PPP1R3A: variants seen among roughly 807,000 people sequenced by gnomAD.
PPP1R3A encodes the protein RG1.
In PPP1R3A, 29 loss-of-function variants were observed where a neutral mutation model predicts 41.7. The observed-to-expected ratio is 0.70, with a 90% CI of 0.52 to 0.95. The LOEUF (loss-of-function observed/expected upper bound fraction) is 0.95, where lower values mean the gene tolerates loss of function less well. PPP1R3A is among the 40% of genes least tolerant of loss of function. The pLI, the probability that PPP1R3A is intolerant of heterozygous loss-of-function variation, is 0.00. For missense variants in PPP1R3A, 1,352 were observed against 1,292.4 expected (o/e 1.05, Z -0.71); for synonymous variants, 485 against 453.4 (o/e 1.07, Z -0.89).
In PPP1R3A at chr7:113,879,849, T is replaced by C. The variant is rs1796657158; in HGVS notation, c.1243A>G (p.Ile415Val). The C allele has an allele frequency of 1.2e-6, 2 of 1,613,438 alleles. No individual in the cohort carries two copies. Among genetic ancestry groups the C allele is most frequent in the Non-Finnish European group, 1.7e-6 (2 of 1,179,690 alleles). ...CTAGTATCTCCCAATGATGGCTTGA[T>C]TTCTCCCATATTTGAAGTAGTTTCC... ...SEETTSNMGEIKPSLGDTSSD... is the reference protein window; with the variant it reads ...SEETTSNMGEVKPSLGDTSSD... Residue 415 changes from isoleucine to valine, a missense_variant, in exon 4 of 4, where the codon ATC becomes GTC. Ile to Val is a conservative substitution (Grantham distance 29). Coordinates refer to ENST00000284601, the MANE Select transcript of PPP1R3A (RefSeq NM_002711.4).
intron 1 of PPP1R3A, among the ~76,000 whole-genome samples, chr7:113,883,666 G>A (rs538963239): frequency 1.3e-5 from 2 of 152,006 alleles, no homozygotes; most frequent in South Asian, 4.1e-4. Flanking sequence ...ACTGCAGGCT[G>A]ACACACCTTC....
Position 113,918,370 on chromosome 7 carries a change from T to G in PPP1R3A, c.627A>C (p.Ile209=), listed in dbSNP as rs769501039. ...QKDGSKVEFC[I]RYETSVGTFW... ...ATGTACCAACAGAAGTTTCATAACG[T>G]ATACAAAACTCAACTTTACTGCCAT... is the stretch of plus-strand genomic sequence containing the variant. Residue 209 remains isoleucine, a synonymous_variant, in exon 1 of 4, where the codon ATA becomes ATC. Transcript: ENST00000284601. 1 of 1,613,454 alleles carries G rather than the reference T, an allele frequency of 6.2e-7. No individual in the cohort carries two copies. Among genetic ancestry groups the G allele is most frequent in the Non-Finnish European group, 8.5e-7 (1 of 1,179,628 alleles).
chr7:113,917,636 A>G (rs900475196), intron 1 of PPP1R3A, among the ~76,000 whole-genome samples: 3 of 152,082 alleles, frequency 2.0e-5, no homozygotes, highest in African/African-American at 7.2e-5. Flanking sequence ...TAACTCATAT[A>G]TCACTGATAT....
At chr7:113,888,098 CTGTT>C (rs1256560231) in intron 1 of PPP1R3A, among the ~76,000 whole-genome samples, 1 of 151,726 alleles carries the variant, frequency 6.6e-6, no homozygotes, top group Non-Finnish European at 1.5e-5. Context: ...GGGCTGGACT[CTGTT>C]TGGGGAAAGA....
In PPP1R3A at chr7:113,878,853, T is replaced by C; in HGVS notation, c.2239A>G (p.Arg747Gly). Reference protein sequence around the residue: ...SESTPESMSAREKAIIAKLPQ... With the variant: ...SESTPESMSAGEKAIIAKLPQ... ...AGCTTAGCAATTATTGCTTTTTCTC[T>C]AGCAGACATGCTTTCTGGAGTACTT... Residue 747 changes from arginine to glycine, a missense_variant, in exon 4 of 4, where the codon AGA (arginine) becomes GGA (glycine). Transcript: ENST00000284601. 6.2e-7 allele frequency: 1 copy of C among 1,613,208 alleles called. No individual in the cohort carries two copies. The highest frequency in any genetic ancestry group is 8.5e-7 in the Non-Finnish European group (1 of 1,179,762).
At chr7:113,914,871 T>C (rs1797313503) in intron 1 of PPP1R3A, among the ~76,000 whole-genome samples, 1 of 152,130 alleles carries the variant, frequency 6.6e-6, no homozygotes, top group South Asian at 2.1e-4. Context: ...TCTTTAACTT[T>C]GAAGCCTAAA....
intron 3 of PPP1R3A, among the ~76,000 whole-genome samples, chr7:113,881,431 C>CA (rs1265557620): frequency 6.6e-6 from 1 of 151,930 alleles, no homozygotes; most frequent in Non-Finnish European, 1.5e-5. Flanking sequence ...ACCATCCCCC[C>CA]AAAAAATTCC....
chr7:113,877,827 C>A lies in PPP1R3A; in HGVS notation c.3265G>T (p.Val1089Phe). ...CCAATCATTAAGTCATAATGGTAGA[C>A]AGTTATAAGAAATATCAGAAACAAA... The part of the protein sequence containing the change: ...FLLFLIFLIT[V>F]YHYDLMIGLT... Residue 1089 changes from valine to phenylalanine, a missense_variant, in exon 4 of 4, where the codon GTC (valine) becomes TTC (phenylalanine). Transcript: ENST00000284601. 6.2e-7 allele frequency: 1 copy of A among 1,608,774 alleles called. No homozygotes were observed. The highest frequency in any genetic ancestry group is 8.5e-7 in the Non-Finnish European group (1 of 1,175,870).
rs568337517 is a variant in PPP1R3A at position 113,888,985 on chromosome 7, T to G, written c.783-6665A>C. Among the ~76,000 whole-genome samples the G allele has an allele frequency of 2.0e-5, 3 of 152,330 alleles. No homozygotes were observed. The East Asian group carries it at 5.8e-4, about 29-fold the overall frequency. ...CAGTAGATCTCAAATATAACAATAG[T>G]TCCCAGAATTGCCTTTCATGTCAAA... On this transcript the variant is annotated intron_variant, in intron 1 of 3. Coordinates refer to ENST00000284601, the MANE Select transcript of PPP1R3A (RefSeq NM_002711.4).
chr7:113,878,205 T>C lies in PPP1R3A; in HGVS notation c.2887A>G (p.Ile963Val). Residue 963 changes from isoleucine to valine, a missense_variant, in exon 4 of 4, where the codon ATT becomes GTT. Ile to Val is a conservative substitution (Grantham distance 29). Transcript: ENST00000284601. The part of the protein sequence containing the change: ...ICNSTREIQG[I>V]EKHPYPESKP... ...GACTCAGGATAAGGGTGCTTCTCAA[T>C]ACCCTGGATTTCTCTTGTTGAATTA... The C allele has an allele frequency of 1.2e-6, 2 of 1,613,300 alleles. No individual in the cohort carries two copies. The highest frequency in any genetic ancestry group is 1.7e-6 in the Non-Finnish European group (2 of 1,179,588).
In PPP1R3A at chr7:113,879,722, G is replaced by T. The variant is rs2129113237; in HGVS notation, c.1370C>A (p.Ser457Tyr). The change falls in exon 4 of 4, where the codon TCT (serine) becomes TAT (tyrosine). Residue 457 changes from serine to tyrosine, a missense_variant. Ser to Tyr is a moderately radical substitution (Grantham distance 144, BLOSUM62 -2). Coordinates refer to ENST00000284601, the MANE Select transcript of PPP1R3A (RefSeq NM_002711.4). ...GTTTCCTGCCATTAGTTGATCTGAA[G>T]AGGGGCAAGGTATTTGCACTGTGCC... The part of the protein sequence containing the change: ...GNGTVQIPCP[S>Y]SDQLMAGNLN... The T allele has an allele frequency of 6.2e-7, 1 of 1,613,166 alleles. No individual in the cohort carries two copies.
chr7:113,888,393 T>A (rs904169843), intron 1 of PPP1R3A, among the ~76,000 whole-genome samples: 1 of 152,076 alleles, frequency 6.6e-6, no homozygotes, highest in Non-Finnish European at 1.5e-5. Context: ...GTACTATTAA[T>A]GAAGAAAGAG....
chr7:113,891,053 C>T (rs1379944453), intron 1 of PPP1R3A, among the ~76,000 whole-genome samples: 2 of 106,238 alleles, frequency 1.9e-5, no homozygotes, highest in Non-Finnish European at 3.6e-5. Flanking sequence ...GTGTTCTTTC[C>T]ATAAAGGGTC....
chr7:113,896,989 A>AT (rs1796986831), intron 1 of PPP1R3A, among the ~76,000 whole-genome samples: 1 of 151,908 alleles, frequency 6.6e-6, no homozygotes, highest in South Asian at 2.1e-4. Flanking sequence ...GTATTCAAGT[A>AT]TTTTTTGAAG....
intron 1 of PPP1R3A, among the ~76,000 whole-genome samples, chr7:113,916,072 A>G (rs1230828252): frequency 6.6e-6 from 1 of 152,040 alleles, no homozygotes; most frequent in Non-Finnish European, 1.5e-5. Context: ...CAGATGTAAA[A>G]ATTCATGTTG....
At chr7:113,914,318 A>ATGAATGC (rs1797303699) in intron 1 of PPP1R3A, among the ~76,000 whole-genome samples, 1 of 152,146 alleles carries the variant, frequency 6.6e-6, no homozygotes, top group South Asian at 2.1e-4. Context: ...CTAAGTGTAA[A>ATGAATGC]CTTTACTGAA....
chr7:113,905,349 G>A (rs967198556), intron 1 of PPP1R3A, among the ~76,000 whole-genome samples: 9 of 151,546 alleles, frequency 5.9e-5, no homozygotes, highest in African/African-American at 2.2e-4. Flanking sequence ...TATTTAAGAT[G>A]TTTTATATTC....
At chr7:113,902,242 C>T (rs1797074422) in intron 1 of PPP1R3A, among the ~76,000 whole-genome samples, 1 of 151,758 alleles carries the variant, frequency 6.6e-6, no homozygotes. Context: ...ATACTCCAGC[C>T]TCAGCCTCCC....
intron 1 of PPP1R3A, among the ~76,000 whole-genome samples, chr7:113,901,594 T>C (rs1797063607): frequency 1.3e-5 from 2 of 151,832 alleles, no homozygotes; most frequent in African/African-American, 4.8e-5. Flanking sequence ...GAATGTGTTT[T>C]GCTTTTTTCA....
Sources: allele counts gnomAD v4.1 joint callset (sites outside exome capture counted in the v4.1 genomes callset), GRCh38; gene constraint gnomAD v4.1.1; transcripts MANE v1.5; gene names NCBI Gene and HGNC (gene_info 2026-07-23, HGNC 2026-07-21).